KREMEN1: variants seen among roughly 807,000 people sequenced by gnomAD.
KREMEN1 encodes the protein kringle containing transmembrane protein 1.
Under a neutral mutation model 46.5 loss-of-function variants are expected in KREMEN1, and 30 were observed. The observed-to-expected ratio is 0.65, with a 90% CI of 0.48 to 0.88. The LOEUF (loss-of-function observed/expected upper bound fraction) is 0.88, where lower values mean the gene tolerates loss of function less well. KREMEN1 is among the 40% of genes least tolerant of loss of function. The probability of loss-of-function intolerance (pLI) is 0.00; values close to 1 mark genes in which losing one functional copy is unlikely to be tolerated. For synonymous variants in KREMEN1, 214 were observed against 230.6 expected (o/e 0.93, Z 0.65); for missense variants, 533 against 596.9 (o/e 0.89, Z 1.11).
intron 3 of KREMEN1, among the ~76,000 whole-genome samples, chr22:29,121,094 AAC>A (rs2038348834): frequency 1.1e-4 from 14 of 124,222 alleles, no homozygotes; most frequent in Admixed American, 9.8e-4. Flanking sequence ...ATCAATATTA[AAC>A]AGTTTTTTTT....
chr22:29,159,969 C>T (rs2038996068), intron 9 of KREMEN1, among the ~76,000 whole-genome samples: 1 of 152,068 alleles, frequency 6.6e-6, no homozygotes, highest in African/African-American at 2.4e-5. Context: ...TTCAACACCC[C>T]ACTGACAGCA....
At chr22:29,076,579 G>A (rs774855915) in intron 1 of KREMEN1, among the ~76,000 whole-genome samples, 1 of 152,192 alleles carries the variant, frequency 6.6e-6, no homozygotes, top group Non-Finnish European at 1.5e-5. Context: ...GGCCGGGCGC[G>A]GTGGCTCACA....
rs1427012768 is a variant in KREMEN1, at chr22:29,144,663, T to C, written c.*2551T>C. 1.0e-6 allele frequency: 1 copy of C among 985,356 alleles called. No individual in the cohort carries two copies. Among genetic ancestry groups the C allele is most frequent in the East Asian group, 1.1e-4 (1 of 8,818 alleles). 61.0% of individuals were successfully genotyped at this position (985,356 alleles called of 1,614,324 possible). On this transcript the variant is annotated 3_prime_UTR_variant, in exon 9 of 9. Transcript: ENST00000400335. ...CAACGGGTCCTGTGCTGTGAATAGA[T>C]CCATGTGCAGCACAAAGGGAATGTG...
chr22:29,120,901 A>C (rs560010904), intron 3 of KREMEN1, among the ~76,000 whole-genome samples: 1 of 152,270 alleles, frequency 6.6e-6, no homozygotes, highest in East Asian at 1.9e-4. Flanking sequence ...ATTCACCAAA[A>C]GTCCTTGAGG....
chr22:29,120,412 G>C (rs936051697), intron 3 of KREMEN1, among the ~76,000 whole-genome samples: 1 of 123,590 alleles, frequency 8.1e-6, no homozygotes, highest in Non-Finnish European at 1.7e-5. Flanking sequence ...GAGAGGTGAT[G>C]AAGGAAACAG....
At chr22:29,158,204 A>G (rs190018748) in intron 9 of KREMEN1, among the ~76,000 whole-genome samples, 435 of 152,312 alleles carry the variant, frequency 2.9e-3, no homozygotes, top group Middle Eastern at 6.8e-3. Flanking sequence ...ACCAATTTGC[A>G]ATCTAGCCCC....
chr22:29,094,968 G>C (rs134660), intron 2 of KREMEN1, among the ~76,000 whole-genome samples: 113,426 of 152,154 alleles, frequency 0.75, 42,969 homozygotes, highest in African/African-American at 0.87. Context: ...TGCTGGCTTT[G>C]AAAGCTCTGC....
Position 29,134,587 on chromosome 22 carries a change from T to C in KREMEN1, c.632-2755T>C, listed in dbSNP as rs115155203. On this transcript the variant is annotated intron_variant, in intron 5 of 8. Transcript: ENST00000400335. Reference sequence around the variant, plus strand: ...CCCCCCTCCCACCCTTGCTTTTATATGTGTGTTGTAATTTTTTATTGAATG... The same window carrying C: ...CCCCCCTCCCACCCTTGCTTTTATACGTGTGTTGTAATTTTTTATTGAATG... Among the ~76,000 whole-genome samples the C allele has an allele frequency of 9.0e-3, 1,364 of 152,264 alleles. 14 individuals carry two copies. Among genetic ancestry groups the C allele is most frequent in the African/African-American group, 0.031 (1,301 of 41,530 alleles).
At chr22:29,093,677 C>A (rs1317278327) in intron 1 of KREMEN1, among the ~76,000 whole-genome samples, 1 of 152,218 alleles carries the variant, frequency 6.6e-6, no homozygotes, top group African/African-American at 2.4e-5. Context: ...ACCTCTATCT[C>A]AAACAGCATG....
intron 9 of KREMEN1, among the ~76,000 whole-genome samples, chr22:29,164,147 A>G (rs2039034397): frequency 6.6e-6 from 1 of 152,254 alleles, no homozygotes; most frequent in Non-Finnish European, 1.5e-5. Context: ...AACAGTCCAG[A>G]TGTAAGAGAT....
At chr22:29,149,194 C>T (rs980715455), downstream of KREMEN1, among the ~76,000 whole-genome samples, 1 of 147,404 alleles carries the variant, frequency 6.8e-6, no homozygotes, top group Non-Finnish European at 1.5e-5. Context: ...GACGGAGTCT[C>T]GCTCTGTCTC....
intron 7 of KREMEN1, 80 bp from the exon 8 acceptor site, chr22:29,140,202 T>A (rs1176507825): frequency 1.9e-6 from 2 of 1,058,874 alleles, no homozygotes; most frequent in African/African-American, 3.1e-5. Context: ...CCAGACTTAC[T>A]CACTTGGGTA....
At chr22:29,125,915 G>C (rs983354756) in intron 5 of KREMEN1, among the ~76,000 whole-genome samples, 1 of 151,914 alleles carries the variant, frequency 6.6e-6, no homozygotes. Flanking sequence ...CTAAACTGCC[G>C]CATTTGTGAG....
intron 3 of KREMEN1, among the ~76,000 whole-genome samples, chr22:29,115,015 C>G (rs955856667): frequency 4.6e-5 from 7 of 151,794 alleles, no homozygotes; most frequent in Non-Finnish European, 1.0e-4. Flanking sequence ...TCAAAACCAA[C>G]TGTTCCTAGC....
intron 5 of KREMEN1, among the ~76,000 whole-genome samples, chr22:29,131,710 GTATATATGTA>G (rs935834531): frequency 4.0e-4 from 50 of 125,436 alleles, no homozygotes; most frequent in South Asian, 1.3e-3. Flanking sequence ...GTATATATAT[GTATATATGTA>G]TATATATGTA....
intron 3 of KREMEN1, among the ~76,000 whole-genome samples, chr22:29,109,228 G>A (rs2038106032): frequency 6.6e-6 from 1 of 152,144 alleles, no homozygotes; most frequent in Non-Finnish European, 1.5e-5. Context: ...AGATACAAAT[G>A]TTCTAAAGCA....
Position 29,142,264 on chromosome 22 carries a change from A to AG in KREMEN1, c.*154dup. 7.5e-7 allele frequency: 1 copy of AG among 1,340,362 alleles called. No homozygotes were observed. The highest frequency in any genetic ancestry group is 2.2e-5 in the South Asian group (1 of 45,822). The allele number at this position is 1,340,362 out of a possible 1,614,324, so 83.0% of individuals were successfully genotyped here. A position where few individuals can be genotyped will look rare whatever the true frequency, so the allele number is the denominator to read the frequency against. ...AACCCTCCTCCTACAGACTAGGAAG[A>AG]GGCACCCTGCTGCCAGGGCAGGCAG... On this transcript the variant is annotated 3_prime_UTR_variant, in exon 9 of 9. Coordinates refer to ENST00000400335, the MANE Select transcript of KREMEN1 (RefSeq NM_001039570.3).
intron 9 of KREMEN1, among the ~76,000 whole-genome samples, chr22:29,159,435 A>G (rs1416565508): frequency 6.6e-6 from 1 of 151,990 alleles, no homozygotes; most frequent in East Asian, 2.0e-4. Flanking sequence ...CCTGACCAAC[A>G]TGGTGAAACC....
At chr22:29,137,789 C>T in intron 6 of KREMEN1, 115 bp downstream of exon 6, 1 of 740,272 alleles carries the variant, frequency 1.4e-6, no homozygotes, top group Non-Finnish European at 2.1e-6. Context: ...TCAGGAACTA[C>T]TGACTCAACT....
Sources: gnomAD v4.1 joint callset for allele counts (sites outside exome capture counted in the v4.1 genomes callset) on GRCh38, gnomAD v4.1.1 for gene constraint, MANE v1.5 for transcripts, NCBI Gene and HGNC (gene_info 2026-07-23, HGNC 2026-07-21) for gene names.